A2ML1: variants seen among roughly 807,000 people sequenced by gnomAD.
A2ML1 encodes alpha-2-macroglobulin-like protein 1.
In A2ML1, 161 loss-of-function variants were observed where a neutral mutation model predicts 181.9. The ratio of observed to expected loss-of-function variants is 0.89; its 90% CI spans 0.78 to 1.01. The LOEUF (loss-of-function observed/expected upper bound fraction) is 1.01. Among genes scored for constraint, A2ML1 ranks in the 50% least tolerant of loss-of-function variants. The probability of loss-of-function intolerance (pLI) is 0.00; values close to 1 mark genes in which losing one functional copy is unlikely to be tolerated. For missense variants in A2ML1, 1,670 were observed against 1,768.1 expected (o/e 0.94, Z 1.00); for synonymous variants, 663 against 666.8 (o/e 0.99, Z 0.09).
At position 8,848,837 on chromosome 12, in the gene A2ML1, C is replaced by G; in HGVS notation, c.1951C>G (p.Gln651Glu). The change falls in exon 16 of 36, where the codon CAA (glutamine) becomes GAA (glutamate). Residue 651 changes from glutamine (Q) to glutamate (E), a missense_variant. Transcript: ENST00000299698. ...TCAGCCCCTCATTGACCCAATGCCCCAAGGGCATTCGAGCCAGCGTTCCAT... is the reference window on the plus strand; with the variant it reads ...TCAGCCCCTCATTGACCCAATGCCCGAAGGGCATTCGAGCCAGCGTTCCAT... ...FPQPLIDPMP[Q>E]GHSSQRSIIW... 6.2e-7 allele frequency: 1 copy of G among 1,614,134 alleles called. No homozygotes were observed. Among genetic ancestry groups the G allele is most frequent in the Non-Finnish European group, 8.5e-7 (1 of 1,180,010 alleles).
intron 30 of A2ML1, 34 bp downstream of exon 30, chr12:8,868,091 G>C (rs1408520506): frequency 1.9e-6 from 3 of 1,611,676 alleles, no homozygotes; most frequent in Non-Finnish European, 2.5e-6. Flanking sequence ...AGCGGACATT[G>C]GGAAGGAGAG....
chr12:8,845,492 T>G lies in A2ML1; in HGVS notation c.1527T>G (p.Ser509=). The G allele has an allele frequency of 6.2e-7, 1 of 1,614,146 alleles. No homozygotes were observed. The highest frequency in any genetic ancestry group is 8.5e-7 in the Non-Finnish European group (1 of 1,180,006). ...LVMEGQKHLN[S]KKKGLKASFS... is the part of the protein sequence containing the mutation. ...TGGAGGGGCAGAAACACCTGAACTCTAAGAAGAAAGGTGAGTGTACATGCT... is the reference window on the plus strand; with the variant it reads ...TGGAGGGGCAGAAACACCTGAACTCGAAGAAGAAAGGTGAGTGTACATGCT... Residue 509 remains serine (S), a synonymous_variant, in exon 13 of 36, where the codon TCT becomes TCG. Coordinates refer to ENST00000299698, the MANE Select transcript of A2ML1 (RefSeq NM_144670.6).
In A2ML1 at chr12:8,857,215, C is replaced by T. The variant is rs202194008; in HGVS notation, c.2900C>T (p.Pro967Leu). 5.8e-5 allele frequency: 93 copies of T among 1,612,950 alleles called. 1 individual carries two copies. In the South Asian group the frequency reaches 9.3e-4, roughly 16 times the overall value. Residue 967 changes from proline to leucine, a missense_variant, in exon 24 of 36, where the codon CCC becomes CTC. Coordinates refer to ENST00000299698, the MANE Select transcript of A2ML1 (RefSeq NM_144670.6). ...AACCTGGATGGTCTGGTGCAGATGC[C>T]CAGTGGCTGTGGCGAGCAGAACATG... is the stretch of plus-strand genomic sequence containing the variant. ...LQNLDGLVQMPSGCGEQNMVL... is the reference protein window; with the variant it reads ...LQNLDGLVQMLSGCGEQNMVL...
At chr12:8,851,307 G>A (rs778949975) in intron 18 of A2ML1, among the ~76,000 whole-genome samples, 20 of 151,790 alleles carry the variant, frequency 1.3e-4, no homozygotes, top group Non-Finnish European at 2.6e-4. Context: ...CCCCTCCTCC[G>A]TATGAGTGCA....
chr12:8,840,240 A>T lies in A2ML1; in HGVS notation c.1080+1018A>T, dbSNP rs1215481503. On this transcript the variant is annotated intron_variant, in intron 10 of 35. Transcript: ENST00000299698. ...CCAGGCATGGTGGCGCATGCCTATA[A>T]TCCCAGCTACTCGGGAGTCTGAGGC... Among the ~76,000 whole-genome samples the T allele has an allele frequency of 1.3e-4, 20 of 151,588 alleles. 1 individual carries two copies. The highest frequency in any genetic ancestry group is 1.3e-3 in the Admixed American group (20 of 15,252).
chr12:8,857,653 T>G, intron 25 of A2ML1, 65 bp downstream of exon 25: 3 of 1,516,850 alleles, frequency 2.0e-6, no homozygotes, highest in South Asian at 2.4e-5. Flanking sequence ...CCTCTGGAAC[T>G]ATTCCACTAC....
intron 7 of A2ML1, among the ~76,000 whole-genome samples, chr12:8,884,241 G>A (rs200546093): frequency 5.5e-5 from 6 of 109,008 alleles, no homozygotes; most frequent in East Asian, 7.2e-4. Context: ...GTTTTTTTTT[G>A]TTTTGTTTTT....
At chr12:8,873,291 C>T (rs1565496670) in intron 33 of A2ML1, among the ~76,000 whole-genome samples, 1 of 150,560 alleles carries the variant, frequency 6.6e-6, no homozygotes, top group African/African-American at 2.5e-5. Context: ...CCAGGCTGGA[C>T]TTCAGTGGCC....
At chr12:8,887,433 G>C (rs1944932560), downstream of A2ML1, among the ~76,000 whole-genome samples, 1 of 152,002 alleles carries the variant, frequency 6.6e-6, no homozygotes, top group African/African-American at 2.4e-5. Flanking sequence ...TCACAAGATA[G>C]ATAAGCATGA....
chr12:8,836,674 G>A (rs921199880), intron 7 of A2ML1, among the ~76,000 whole-genome samples: 4 of 152,018 alleles, frequency 2.6e-5, no homozygotes, highest in Non-Finnish European at 5.9e-5. Context: ...AGTAGAGATG[G>A]GATTTCGCCG....
intron 6 of A2ML1, 35 bp from the exon 7 acceptor site, chr12:8,836,220 A>G: frequency 6.3e-7 from 1 of 1,579,248 alleles, no homozygotes; most frequent in Non-Finnish European, 8.7e-7. Context: ...TTCCTCCTCC[A>G]GTGCTTTCTC....
At chr12:8,839,775 C>T (rs972677626) in intron 10 of A2ML1, among the ~76,000 whole-genome samples, 3 of 152,200 alleles carry the variant, frequency 2.0e-5, no homozygotes, top group African/African-American at 4.8e-5. Context: ...TTGAGACAGT[C>T]TCGCTCTTGT....
intron 29 of A2ML1, among the ~76,000 whole-genome samples, chr12:8,867,515 C>T (rs1382524125): frequency 6.6e-6 from 1 of 152,162 alleles, no homozygotes; most frequent in Non-Finnish European, 1.5e-5. Context: ...GATGTGGTGG[C>T]ACACGCCTGT....
Position 8,863,850 on chromosome 12 carries a change from T to G in A2ML1, c.3559T>G (p.Ser1187Ala). 1.9e-6 allele frequency: 3 copies of G among 1,614,232 alleles called. No individual in the cohort carries two copies. Among genetic ancestry groups the G allele is most frequent in the East Asian group, 4.5e-5 (2 of 44,888 alleles). Residue 1187 changes from serine to alanine, a missense_variant, in exon 29 of 36, where the codon TCT becomes GCT. Physicochemically the swap from Ser to Ala is moderately conservative, Grantham distance 99 (BLOSUM62 1). Coordinates refer to ENST00000299698, the MANE Select transcript of A2ML1 (RefSeq NM_144670.6). Reference protein sequence around the residue: ...PTPSSNASPWSEPAAVDVELT... With the variant: ...PTPSSNASPWAEPAAVDVELT... ...TCCATCATCGAACGCCAGCCCTTGG[T>G]CTGAGCCTGCGGCTGTAGATGTGGA...
rs186088058 is a variant in A2ML1, at chr12:8,829,035, G to A, written c.410-692G>A. Among the ~76,000 whole-genome samples the A allele has an allele frequency of 1.6e-3, 249 of 152,330 alleles. 1 individual carries two copies. The highest frequency in any genetic ancestry group is 2.7e-3 in the Non-Finnish European group (185 of 68,030). ...ACTGCTGGGGGATGGCGGGGAGGGG[G>A]TGAATCAGCAATTCAAGTGTGTCTT... On this transcript the variant is annotated intron_variant, in intron 3 of 35. Coordinates refer to ENST00000299698, the MANE Select transcript of A2ML1 (RefSeq NM_144670.6).
intron 8 of A2ML1, 48 bp from the exon 9 acceptor site, chr12:8,838,288 T>G: frequency 7.8e-7 from 1 of 1,285,278 alleles, no homozygotes. Flanking sequence ...GATGTAGAGA[T>G]TAGATTCCTC....
chr12:8,835,320 T>G (rs1452142089), intron 5 of A2ML1, among the ~76,000 whole-genome samples, 187 bp from the exon 6 acceptor site: 1 of 152,184 alleles, frequency 6.6e-6, no homozygotes, highest in Non-Finnish European at 1.5e-5. Context: ...TATAGAAATA[T>G]TTACCTCATT....
At chr12:8,836,412 A>G (rs1167416585) in intron 7 of A2ML1, 73 bp downstream of exon 7, 2 of 1,169,426 alleles carry the variant, frequency 1.7e-6, no homozygotes, top group South Asian at 1.3e-5. Context: ...ATGACATGGG[A>G]TGTGGGATTA....
At chr12:8,832,979 CTTTT>C (rs10670476) in intron 4 of A2ML1, among the ~76,000 whole-genome samples, 1 of 138,686 alleles carries the variant, frequency 7.2e-6, no homozygotes, top group African/African-American at 2.7e-5. Flanking sequence ...TGCTACTTTC[CTTTT>C]TTTTTTTTGA....
Sources: allele counts gnomAD v4.1 joint callset (sites outside exome capture counted in the v4.1 genomes callset), GRCh38; gene constraint gnomAD v4.1.1; transcripts MANE v1.5; gene names NCBI Gene and HGNC (gene_info 2026-07-23, HGNC 2026-07-21).